TSPAN11: variants seen among roughly 807,000 people sequenced by gnomAD.
TSPAN11 encodes the protein tetraspanin 11.
TSPAN11 carries 29 observed loss-of-function variants against 32.9 expected under a neutral mutation model. The ratio of observed to expected loss-of-function variants is 0.88; its 90% CI spans 0.66 to 1.20. The LOEUF is 1.20. Ranked by LOEUF, TSPAN11 falls within the 50% of genes most tolerant of loss-of-function variation. The pLI is 0.00. For synonymous variants in TSPAN11, 140 were observed against 141.3 expected (o/e 0.99, Z 0.07); for missense variants, 283 against 329.1 (o/e 0.86, Z 1.08).
chr12:31,010,667 G>A, the TSPAN11 span, among the ~76,000 whole-genome samples: 3 of 152,228 alleles, frequency 2.0e-5, no homozygotes, highest in East Asian at 1.9e-4. Flanking sequence ...GTGGTGACAC[G>A]TGCCTGCAGT....
intron 3 of TSPAN11, among the ~76,000 whole-genome samples, chr12:30,966,581 G>A (rs1938737944): frequency 6.6e-6 from 1 of 152,230 alleles, no homozygotes; most frequent in Non-Finnish European, 1.5e-5. Context: ...GCTGGAGCTG[G>A]ACTGTGCGTT....
intron 3 of TSPAN11, among the ~76,000 whole-genome samples, chr12:30,972,669 A>T (rs1034147074): frequency 3.3e-5 from 5 of 152,088 alleles, no homozygotes; most frequent in African/African-American, 1.2e-4. Context: ...AATAAAGTGA[A>T]GGGCAGAGGG....
intron 7 of TSPAN11, chr12:30,988,516 G>A (rs892802012): frequency 3.3e-5 from 5 of 152,190 alleles, no homozygotes; most frequent in African/African-American, 1.2e-4. Context: ...TTGAACCCGG[G>A]AGGTGGAGGT....
chr12:30,968,550 A>G (rs942271263), intron 3 of TSPAN11, among the ~76,000 whole-genome samples: 1 of 152,230 alleles, frequency 6.6e-6, no homozygotes, highest in Admixed American at 6.5e-5. Flanking sequence ...CATGAGAGAG[A>G]TAATTCAGGC....
intron 1 of TSPAN11, among the ~76,000 whole-genome samples, chr12:30,933,308 A>G (rs1055208250): frequency 2.6e-5 from 4 of 152,046 alleles, no homozygotes; most frequent in African/African-American, 9.7e-5. Flanking sequence ...AGTGACATTA[A>G]TCTTCCCTCC....
chr12:30,929,630 C>T (rs2140266144), intron 1 of TSPAN11, among the ~76,000 whole-genome samples: 1 of 152,258 alleles, frequency 6.6e-6, no homozygotes, highest in South Asian at 2.1e-4. Flanking sequence ...GCCTCACCCC[C>T]AGTAGATGTC....
intron 2 of TSPAN11, among the ~76,000 whole-genome samples, chr12:30,961,204 T>C (rs981688995): frequency 6.6e-6 from 1 of 151,910 alleles, no homozygotes; most frequent in Non-Finnish European, 1.5e-5. Context: ...TGCTGCTTTC[T>C]GCTGACTTAG....
intron 7 of TSPAN11, among the ~76,000 whole-genome samples, chr12:30,990,840 G>C (rs1939298299): frequency 6.6e-6 from 1 of 152,198 alleles, no homozygotes; most frequent in Non-Finnish European, 1.5e-5. Flanking sequence ...TTCACCCCAG[G>C]TATCACGGGA....
At position 30,974,582 on chromosome 12, in the gene TSPAN11, G is replaced by C. The variant is rs534117651; in HGVS notation, c.277-3979G>C. Among the ~76,000 whole-genome samples the C allele has an allele frequency of 3.3e-5, 5 of 152,356 alleles. No individual in the cohort carries two copies. In the South Asian group the frequency reaches 1.0e-3, roughly 32 times the overall value. Reference sequence around the variant, plus strand: ...TCATAGGTGTACTTTATTAGAAAGTGCACTCCTGCGTCTTTATCAGGGGAT... The same window carrying C: ...TCATAGGTGTACTTTATTAGAAAGTCCACTCCTGCGTCTTTATCAGGGGAT... On this transcript the variant is annotated intron_variant, in intron 3 of 7. Transcript: ENST00000546076.
intron 1 of TSPAN11, among the ~76,000 whole-genome samples, chr12:30,950,456 C>T (rs1402528818): frequency 6.6e-6 from 1 of 152,192 alleles, no homozygotes. Flanking sequence ...AATTGCTTGG[C>T]CACCACTGCA....
chr12:30,943,217 G>A (rs2193763), intron 1 of TSPAN11, among the ~76,000 whole-genome samples: 109,245 of 152,060 alleles, frequency 0.72, 39,596 homozygotes, highest in East Asian at 0.89. Context: ...CTTAGCTTCC[G>A]CCAGAGACCA....
chr12:30,968,418 G>T (rs1211892815), intron 3 of TSPAN11, among the ~76,000 whole-genome samples: 1 of 152,234 alleles, frequency 6.6e-6, no homozygotes, highest in Non-Finnish European at 1.5e-5. Context: ...GGCCGTCGGG[G>T]ACAGAAATAG....
At chr12:30,986,949 A>G (rs1296596443) in intron 7 of TSPAN11, 1 of 152,226 alleles carries the variant, frequency 6.6e-6, no homozygotes, top group Non-Finnish European at 1.5e-5. Context: ...GATCTCAACG[A>G]AGACCCAGGA....
At position 30,975,479 on chromosome 12, in the gene TSPAN11, C is replaced by A. The variant is rs1565800700; in HGVS notation, c.277-3082C>A. ...ACACACTGGAGCTCGAGAAGGCTATCCCCACACACCACCGCCACTGCCAAG... is the reference window on the plus strand; with the variant it reads ...ACACACTGGAGCTCGAGAAGGCTATACCCACACACCACCGCCACTGCCAAG... On this transcript the variant is annotated intron_variant, in intron 3 of 7. Coordinates refer to ENST00000546076, the MANE Select transcript of TSPAN11 (RefSeq NM_001370302.1). This position sits in a 1 kb window ranked among gnomAD's most constrained non-coding sequence, Gnocchi z 4.5. Among the ~76,000 whole-genome samples, 1 of 152,096 alleles carries A rather than the reference C, an allele frequency of 6.6e-6. No homozygotes were observed.
chr12:30,963,767 C>T (rs748359977), intron 2 of TSPAN11, 59 bp from the exon 3 acceptor site: 94 of 1,558,288 alleles, frequency 6.0e-5, no homozygotes, highest in East Asian at 1.1e-4. Flanking sequence ...GGGCACTGAA[C>T]GGATAGCAGC....
chr12:30,984,746 TGAG>T (rs1371212315), intron 7 of TSPAN11, among the ~76,000 whole-genome samples: 1 of 151,950 alleles, frequency 6.6e-6, no homozygotes, highest in Non-Finnish European at 1.5e-5. Context: ...TAGTAGAGGC[TGAG>T]GTTTCACCAT....
chr12:30,968,785 G>A (rs1938789233), intron 3 of TSPAN11, among the ~76,000 whole-genome samples: 1 of 152,174 alleles, frequency 6.6e-6, no homozygotes, highest in Admixed American at 6.5e-5. Flanking sequence ...AAAACAAGGG[G>A]ATCCAGAATT....
chr12:30,949,581 G>A (rs139305648), intron 1 of TSPAN11, among the ~76,000 whole-genome samples: 4,423 of 152,230 alleles, frequency 0.029, 231 homozygotes, highest in African/African-American at 0.1. Context: ...TGGCCCCCAT[G>A]ATTCAATTAC....
At chr12:30,967,753 GA>G (rs1938765756) in intron 3 of TSPAN11, among the ~76,000 whole-genome samples, 1 of 132,528 alleles carries the variant, frequency 7.5e-6, no homozygotes, top group African/African-American at 2.7e-5. Flanking sequence ...GGACTGTGGA[GA>G]CAGGCATCTC....
Sources: allele counts gnomAD v4.1 joint callset (sites outside exome capture counted in the v4.1 genomes callset), GRCh38; gene constraint gnomAD v4.1.1; non-coding constraint Gnocchi (gnomAD v3.1); transcripts MANE v1.5; gene names NCBI Gene and HGNC (gene_info 2026-07-23, HGNC 2026-07-21).